The following GRIP1 variants were observed in gnomAD, a reference collection of about 807,000 sequenced individuals.
GRIP1 encodes the protein glutamate receptor-interacting protein 1.
In GRIP1, 45 loss-of-function variants were observed where a neutral mutation model predicts 129.9. The observed-to-expected ratio is 0.35, with a 90% CI of 0.27 to 0.44. The LOEUF is 0.44. GRIP1 is among the 20% of genes least tolerant of loss of function. The probability of loss-of-function intolerance (pLI) is 1.00; values close to 1 mark genes in which losing one functional copy is unlikely to be tolerated. For missense variants in GRIP1, 1,196 were observed against 1,396.8 expected (o/e 0.86, Z 2.29); for synonymous variants, 530 against 520.8 (o/e 1.02, Z -0.24).
At chr12:66,736,004 A>G (rs995568750) in intron 1 of GRIP1, among the ~76,000 whole-genome samples, 3 of 152,182 alleles carry the variant, frequency 2.0e-5, no homozygotes, top group South Asian at 2.1e-4. Context: ...CAGGAGAAGA[A>G]GAGAAGGTGA....
intron 1 of GRIP1, among the ~76,000 whole-genome samples, chr12:66,896,997 G>A (rs750454322): frequency 7.9e-5 from 12 of 152,226 alleles, no homozygotes; most frequent in Non-Finnish European, 1.3e-4. Context: ...TACACGTGCA[G>A]GCTCGGGAGC....
chr12:66,807,121 G>A (rs1008827767), upstream of GRIP1, among the ~76,000 whole-genome samples: 3 of 152,164 alleles, frequency 2.0e-5, no homozygotes, highest in South Asian at 2.1e-4. Context: ...ACTAGACACC[G>A]GGTGCTCTGC....
chr12:66,695,729 TAATG>T (rs2035135720), intron 1 of GRIP1, among the ~76,000 whole-genome samples: 1 of 152,230 alleles, frequency 6.6e-6, no homozygotes, highest in African/African-American at 2.4e-5. Context: ...AAATATCACT[TAATG>T]AATATCTTTT....
intron 1 of GRIP1, among the ~76,000 whole-genome samples, chr12:66,619,665 G>T (rs951774091): frequency 1.3e-5 from 2 of 152,210 alleles, no homozygotes; most frequent in South Asian, 4.1e-4. Flanking sequence ...ATTTTTATCT[G>T]CTTTGTGCAA....
chr12:66,796,703 T>C (rs980951909), intron 1 of GRIP1, among the ~76,000 whole-genome samples: 5 of 152,162 alleles, frequency 3.3e-5, no homozygotes, highest in Non-Finnish European at 7.4e-5. Flanking sequence ...AGAATGACTC[T>C]TGACACGTGC....
In GRIP1 at chr12:66,374,735, A is replaced by G. The variant is rs542053302; in HGVS notation, c.2778+2282T>C. Reference sequence around the variant, plus strand: ...CATAGAAGAAATTACAGATTGATTTAGAAAAGGTTCTGATGGAAGAAATAA... The same window carrying G: ...CATAGAAGAAATTACAGATTGATTTGGAAAAGGTTCTGATGGAAGAAATAA... On this transcript the variant is annotated intron_variant, in intron 22 of 24. Transcript: ENST00000359742. 7.2e-5 allele frequency among the ~76,000 whole-genome samples: 11 copies of G among 152,118 alleles called. No homozygotes were observed. In the East Asian group the frequency reaches 1.5e-3, roughly 21 times the overall value.
chr12:66,398,204 A>G (rs2056865297), intron 16 of GRIP1, among the ~76,000 whole-genome samples: 1 of 152,112 alleles, frequency 6.6e-6, no homozygotes, highest in Non-Finnish European at 1.5e-5. Context: ...CTGCCAACAT[A>G]TAATTTCTTC....
chr12:66,421,086 A>G (rs1482140508), intron 14 of GRIP1, among the ~76,000 whole-genome samples: 1 of 152,216 alleles, frequency 6.6e-6, no homozygotes, highest in African/African-American at 2.4e-5. Flanking sequence ...AGAGGACCTG[A>G]AGGGTGGGTA....
intron 7 of GRIP1, among the ~76,000 whole-genome samples, chr12:66,469,722 C>T (rs1448702442): frequency 6.6e-6 from 1 of 152,180 alleles, no homozygotes; most frequent in East Asian, 1.9e-4. Flanking sequence ...AGAACATGAG[C>T]TCAGTCTTGT....
rs551618485 is a variant in GRIP1 at position 66,894,311 on chromosome 12, C to T, written c.58+174739G>A. On this transcript the variant is annotated intron_variant, in intron 1 of 1. Transcript: ENST00000643019. ...TTCCTATCAGTTCACTCTCAGCCTC[C>T]ATCAATTTACCCAACAGCGTCTACC... Among the ~76,000 whole-genome samples the T allele has an allele frequency of 1.2e-3, 184 of 152,198 alleles. 1 individual carries two copies. The highest frequency in any genetic ancestry group is 4.3e-3 in the African/African-American group (179 of 41,538).
chr12:66,825,748 G>C (rs188264027), intron 1 of GRIP1, among the ~76,000 whole-genome samples: 3 of 152,236 alleles, frequency 2.0e-5, no homozygotes, highest in Admixed American at 2.0e-4. Flanking sequence ...ATGACTAATA[G>C]CAAAGTTCTT....
intron 19 of GRIP1, among the ~76,000 whole-genome samples, chr12:66,381,696 A>G (rs930076018): frequency 1.3e-5 from 2 of 152,240 alleles, no homozygotes; most frequent in Non-Finnish European, 2.9e-5. Context: ...AGACTTAGGC[A>G]AGAGTGCAAG....
intron 17 of GRIP1, among the ~76,000 whole-genome samples, chr12:66,393,844 A>G (rs745470426): frequency 1.3e-5 from 2 of 152,188 alleles, no homozygotes; most frequent in Non-Finnish European, 2.9e-5. Context: ...CCTGTCAGGT[A>G]ACAGAGGCTC....
intron 5 of GRIP1, among the ~76,000 whole-genome samples, chr12:66,525,440 T>C (rs1294888223): frequency 2.6e-5 from 4 of 151,154 alleles, no homozygotes; most frequent in South Asian, 2.1e-4. Context: ...CACATGATTA[T>C]CTCAATAGAT....
At chr12:66,655,606 CTTTTTTTTTTTTT>C (rs1173143521) in intron 1 of GRIP1, among the ~76,000 whole-genome samples, 1 of 118,046 alleles carries the variant, frequency 8.5e-6, no homozygotes, top group East Asian at 2.4e-4. Flanking sequence ...TTTTTTTGTA[CTTTTTTTTTTTTT>C]TTTTTTTTGA....
chr12:66,778,075 G>C (rs1381547986), intron 1 of GRIP1, among the ~76,000 whole-genome samples: 1 of 152,104 alleles, frequency 6.6e-6, no homozygotes, highest in Admixed American at 6.5e-5. Context: ...TTTTTATGTG[G>C]ATTGCATGGT....
chr12:66,986,867 AAAAT>A (rs1459005928), intron 1 of GRIP1, among the ~76,000 whole-genome samples: 5 of 42,696 alleles, frequency 1.2e-4, no homozygotes, highest in African/African-American at 8.1e-4. Context: ...TTAAAAAAAT[AAAAT>A]AAAAATAAAA....
intron 1 of GRIP1, among the ~76,000 whole-genome samples, chr12:66,921,018 T>G (rs575265530): frequency 1.8e-4 from 27 of 152,258 alleles, no homozygotes; most frequent in African/African-American, 6.3e-4. Flanking sequence ...TAGGAAATGG[T>G]GACAGGAAAT....
intron 1 of GRIP1, among the ~76,000 whole-genome samples, chr12:66,844,871 A>G (rs2039785578): frequency 6.6e-6 from 1 of 152,238 alleles, no homozygotes; most frequent in Non-Finnish European, 1.5e-5. Flanking sequence ...AAAAAAAGAA[A>G]TATCACATGA....
Sources: allele counts gnomAD v4.1 joint callset (sites outside exome capture counted in the v4.1 genomes callset), GRCh38; gene constraint gnomAD v4.1.1; transcripts MANE v1.5; gene names NCBI Gene and HGNC (gene_info 2026-07-23, HGNC 2026-07-21).